The following PCBP4 variants were observed in gnomAD, a reference collection of about 807,000 sequenced individuals.
PCBP4 encodes poly(rC) binding protein 4.
Under a neutral mutation model 46.2 loss-of-function variants are expected in PCBP4, and 24 were observed. The ratio of observed to expected loss-of-function variants is 0.52; its 90% CI spans 0.38 to 0.73. PCBP4 has a LOEUF of 0.73. PCBP4 is among the 30% of genes least tolerant of loss of function. PCBP4 has a pLI of 0.00. For missense variants in PCBP4, 407 were observed against 537.0 expected, an observed-to-expected ratio of 0.76 and a Z score of 2.39; for synonymous variants, 203 against 224.4, an observed-to-expected ratio of 0.90 and a Z score of 0.85.
intron 1 of PCBP4, among the ~76,000 whole-genome samples, chr3:51,965,056 C>G (rs1169477561): frequency 1.3e-5 from 2 of 152,226 alleles, no homozygotes; most frequent in Admixed American, 1.3e-4. Flanking sequence ...AAGTCAAGCC[C>G]GGGCCCAGGC....
chr3:51,958,393 G>A lies in PCBP4; in HGVS notation c.924-44C>T. On this transcript the variant is annotated intron_variant, in intron 13 of 13. Coordinates refer to ENST00000461554, the MANE Select transcript of PCBP4 (RefSeq NM_001174100.2). The surrounding 1 kb of genome is among the most constrained non-coding windows in gnomAD (Gnocchi z 5.4). Reference sequence around the variant, plus strand: ...AGGGGAGACAAAGGGGAAAGTGGGAGTGAGAGAGGGGCAATGAGGGCAGAG... The same window carrying A: ...AGGGGAGACAAAGGGGAAAGTGGGAATGAGAGAGGGGCAATGAGGGCAGAG... The A allele has an allele frequency of 7.4e-7, 1 of 1,351,570 alleles. No homozygotes were observed. Among genetic ancestry groups the A allele is most frequent in the Non-Finnish European group, 9.8e-7 (1 of 1,019,306 alleles). The allele number at this position is 1,351,570 out of a possible 1,614,324, so 83.7% of individuals were successfully genotyped here.
At chr3:51,962,371 G>A (rs1441359588) in intron 1 of PCBP4, among the ~76,000 whole-genome samples, 2 of 143,926 alleles carry the variant, frequency 1.4e-5, no homozygotes, top group East Asian at 2.4e-4. Context: ...TTCATGCCCC[G>A]ACTTAATCCT....
At chr3:51,963,893 A>G (rs1700293327) in intron 1 of PCBP4, among the ~76,000 whole-genome samples, 1 of 152,214 alleles carries the variant, frequency 6.6e-6, no homozygotes, top group African/African-American at 2.4e-5. Context: ...GAGCAGCCCC[A>G]TGAGGCATCA....
intron 1 of PCBP4, among the ~76,000 whole-genome samples, chr3:51,966,536 G>A (rs141073926): frequency 1.4e-3 from 213 of 152,230 alleles, no homozygotes; most frequent in Non-Finnish European, 2.0e-3. Flanking sequence ...CCTTTGTGGC[G>A]GAAGGCAAGC....
Position 51,960,417 on chromosome 3 carries a change from C to A in PCBP4, c.256-97G>T. On this transcript the variant is annotated intron_variant, in intron 6 of 13. Coordinates refer to ENST00000461554, the MANE Select transcript of PCBP4 (RefSeq NM_001174100.2). The surrounding 1 kb of genome is among the most constrained non-coding windows in gnomAD (Gnocchi z 5.0). ...TTTCCCCAGTCCCACTTCAAGGGAA[C>A]ACTGCCCTGGGCTTGACCTCCCCTC... 6.4e-7 allele frequency: 1 copy of A among 1,571,964 alleles called. No homozygotes were observed. The highest frequency in any genetic ancestry group is 2.2e-5 in the East Asian group (1 of 44,572).
intron 1 of PCBP4, chr3:51,962,949 A>T (rs936961465): frequency 1.3e-5 from 2 of 152,278 alleles, no homozygotes; most frequent in African/African-American, 4.8e-5. Flanking sequence ...GGCCAGCCTC[A>T]TGCTGGCTGC....
Position 51,961,027 on chromosome 3 carries a change from C to T in PCBP4, c.88G>A (p.Gly30Ser). 1 of 1,614,228 alleles carries T rather than the reference C, an allele frequency of 6.2e-7. No individual in the cohort carries two copies. The highest frequency in any genetic ancestry group is 1.7e-5 in the Admixed American group (1 of 60,034). The change falls in exon 4 of 14, where the codon GGC (glycine) becomes AGC (serine). Residue 30 changes from glycine to serine, a missense_variant. Gly to Ser is a moderately conservative substitution (Grantham distance 56). Transcript: ENST00000461554. Reference sequence around the variant, plus strand: ...GCACCTACCTTCCCGATGATGCTGCCCACTTCCTGCGGACAAGACAAGAGC... The same window carrying T: ...GCACCTACCTTCCCGATGATGCTGCTCACTTCCTGCGGACAAGACAAGAGC... ...LRMLMHGKEV[G>S]SIIGKKGETV...
chr3:51,961,717 C>T, intron 2 of PCBP4: 2 of 990,872 alleles, frequency 2.0e-6, no homozygotes, highest in South Asian at 9.1e-5. Flanking sequence ...GTGGATGGGG[C>T]CCTGAAGGTG....
Position 51,958,963 on chromosome 3 carries a change from G to A in PCBP4, c.754-4C>T. 2 of 1,613,976 alleles carry A rather than the reference G, an allele frequency of 1.2e-6. No homozygotes were observed. Among genetic ancestry groups the A allele is most frequent in the Non-Finnish European group, 1.7e-6 (2 of 1,179,934 alleles). Reference sequence around the variant, plus strand: ...GCCCGATCACACAGCCAATCAACTAGAGGGAAGGCAGAATTCAGCCCTGGG... The same window carrying A: ...GCCCGATCACACAGCCAATCAACTAAAGGGAAGGCAGAATTCAGCCCTGGG... On this transcript the variant is annotated splice_polypyrimidine_tract_variant and splice_region_variant and intron_variant, in intron 12 of 13. Coordinates refer to ENST00000461554, the MANE Select transcript of PCBP4 (RefSeq NM_001174100.2). This position sits in a 1 kb window ranked among gnomAD's most constrained non-coding sequence, Gnocchi z 5.4.
chr3:51,958,116 A>T lies in PCBP4; in HGVS notation c.1157T>A (p.Met386Lys). 6.2e-7 allele frequency: 1 copy of T among 1,601,646 alleles called. No individual in the cohort carries two copies. Among genetic ancestry groups the T allele is most frequent in the South Asian group, 1.1e-5 (1 of 89,472 alleles). Reference protein sequence around the residue: ...PPGLAAYTAKMAAANGSKKAE... With the variant: ...PPGLAAYTAKKAAANGSKKAE... ...CTTCTTGCTCCCATTAGCTGCTGCC[A>T]TCTTGGCAGTGTAGGCCGCCAAGCC... is the stretch of plus-strand genomic sequence containing the variant. Residue 386 changes from methionine (M) to lysine (K), a missense_variant, in exon 14 of 14, where the codon ATG (methionine) becomes AAG (lysine). Transcript: ENST00000461554. This position sits in a 1 kb window ranked among gnomAD's most constrained non-coding sequence, Gnocchi z 5.4.
chr3:51,958,804 G>T lies in PCBP4; in HGVS notation c.909C>A (p.Tyr303Ter). 1 of 1,613,540 alleles carries T rather than the reference G, an allele frequency of 6.2e-7. No individual in the cohort carries two copies. Among genetic ancestry groups the T allele is most frequent in the Admixed American group, 1.7e-5 (1 of 59,998 alleles). The stretch of plus-strand genomic sequence containing the variant: ...CCCGCGCTCACCAGGCAGTGATGAG[G>T]TACTGGGCCAGGGCGATGGAGACCG... ...GSPVSIALAQYLITACLETAK... is the reference protein window; with the variant it reads ...GSPVSIALAQ Residue 303 changes from tyrosine to a stop codon, truncating the protein, a stop_gained, in exon 13 of 14, where the codon TAC becomes TAA. Coordinates refer to ENST00000461554, the MANE Select transcript of PCBP4 (RefSeq NM_001174100.2). LOFTEE classifies it high-confidence loss of function. The surrounding 1 kb of genome is among the most constrained non-coding windows in gnomAD (Gnocchi z 5.4).
chr3:51,965,177 C>A (rs1330629551), intron 1 of PCBP4, among the ~76,000 whole-genome samples: 3 of 152,216 alleles, frequency 2.0e-5, no homozygotes, highest in Non-Finnish European at 4.4e-5. Flanking sequence ...TGTATGCTTA[C>A]TCTGCTGCTC....
At position 51,958,791 on chromosome 3, in the gene PCBP4, A is replaced by G. The variant is rs901200959; in HGVS notation, c.922T>C (p.Cys308Arg). 7.4e-6 allele frequency: 12 copies of G among 1,611,506 alleles called. No homozygotes were observed. The highest frequency in any genetic ancestry group is 1.3e-5 in the African/African-American group (1 of 74,942). The stretch of plus-strand genomic sequence containing the variant: ...CACTGCCGCCCAGCCCGCGCTCACC[A>G]GGCAGTGATGAGGTACTGGGCCAGG... Reference protein sequence around the residue: ...IALAQYLITACLETAKSTSGG... With the variant: ...IALAQYLITARLETAKSTSGG... The change falls in exon 13 of 14, where the codon TGT becomes CGT. Residue 308 changes from cysteine (C) to arginine (R), a missense_variant and splice_region_variant. Physicochemically the swap from Cys to Arg is radical, Grantham distance 180. Coordinates refer to ENST00000461554, the MANE Select transcript of PCBP4 (RefSeq NM_001174100.2). This position sits in a 1 kb window ranked among gnomAD's most constrained non-coding sequence, Gnocchi z 5.4.
rs771306001 is a variant in PCBP4, at chr3:51,959,888, G to C, written c.516+7C>G. 1 of 1,578,350 alleles carries C rather than the reference G, an allele frequency of 6.3e-7. No homozygotes were observed. The highest frequency in any genetic ancestry group is 8.6e-7 in the Non-Finnish European group (1 of 1,161,024). On this transcript the variant is annotated splice_region_variant and intron_variant, in intron 8 of 13. Coordinates refer to ENST00000461554, the MANE Select transcript of PCBP4 (RefSeq NM_001174100.2). This position sits in a 1 kb window ranked among gnomAD's most constrained non-coding sequence, Gnocchi z 5.6. ...CTGCCCCCTCTCTCCCTGCCCCAGG[G>C]CAGCACCTCCAGGATAACAGCGCAG...
chr3:51,957,894 CTG>C lies in PCBP4; in HGVS notation c.*165_*166del, dbSNP rs1699896045. The C allele has an allele frequency of 3.3e-6, 2 of 608,136 alleles. No individual in the cohort carries two copies. The highest frequency in any genetic ancestry group is 3.2e-5 in the Admixed American group (1 of 31,620). 37.7% of individuals were successfully genotyped at this position (608,136 alleles called of 1,614,324 possible). A position where few individuals can be genotyped will look rare whatever the true frequency, so the allele number is the denominator to read the frequency against. ...CCCTGGGCCAGAAACTGCCCCCACTCTGAGAGAAAGAACTCCCATAGATGGAG... is the reference window on the plus strand; with the variant it reads ...CCCTGGGCCAGAAACTGCCCCCACTCAGAGAAAGAACTCCCATAGATGGAG... On this transcript the variant is annotated 3_prime_UTR_variant, in exon 14 of 14. Coordinates refer to ENST00000461554, the MANE Select transcript of PCBP4 (RefSeq NM_001174100.2).
rs1400597592 is a variant in PCBP4, at chr3:51,958,073, G to A, written c.1200C>T (p.Phe400=). ...ACCTCAGCTGGCCTCAGTAGGGGGA[G>A]AATTTCTGCCGCTCAGCCTTCTTGC... ...NGSKKAERQK[F]SPY is the part of the protein sequence containing the mutation. Residue 400 remains phenylalanine (F), a synonymous_variant, in exon 14 of 14, where the codon TTC becomes TTT. Coordinates refer to ENST00000461554, the MANE Select transcript of PCBP4 (RefSeq NM_001174100.2). This position sits in a 1 kb window ranked among gnomAD's most constrained non-coding sequence, Gnocchi z 5.4. 8 of 1,550,986 alleles carry A rather than the reference G, an allele frequency of 5.2e-6. No individual in the cohort carries two copies. In the South Asian group the frequency reaches 6.2e-5, roughly 12 times the overall value.
chr3:51,963,623 A>C (rs1032693833), intron 1 of PCBP4, among the ~76,000 whole-genome samples: 19 of 152,176 alleles, frequency 1.2e-4, no homozygotes, highest in African/African-American at 4.3e-4. Flanking sequence ...CATGGCCAGA[A>C]CTAGAGCTTC....
Position 51,959,725 on chromosome 3 carries a change from A to C in PCBP4, c.517-74T>G. On this transcript the variant is annotated intron_variant, in intron 8 of 13. Transcript: ENST00000461554. The surrounding 1 kb of genome is among the most constrained non-coding windows in gnomAD (Gnocchi z 5.6). ...ACCTCCCCAGCTGCCCAGTGGCCTCAGGCCCCCACCATGACCCCCAGGGAA... is the reference window on the plus strand; with the variant it reads ...ACCTCCCCAGCTGCCCAGTGGCCTCCGGCCCCCACCATGACCCCCAGGGAA... 1 of 1,478,082 alleles carries C rather than the reference A, an allele frequency of 6.8e-7. No homozygotes were observed. The highest frequency in any genetic ancestry group is 1.4e-5 in the African/African-American group (1 of 71,364). 91.6% of individuals were successfully genotyped at this position (1,478,082 alleles called of 1,614,324 possible).
At position 51,959,446 on chromosome 3, in the gene PCBP4, G is replaced by A; in HGVS notation, c.592-35C>T. Reference sequence around the variant, plus strand: ...CAAAGTGGATGAAAAGGGGGTTACTGTGACATTGCAGTTCAGCCAGAGTCA... The same window carrying A: ...CAAAGTGGATGAAAAGGGGGTTACTATGACATTGCAGTTCAGCCAGAGTCA... On this transcript the variant is annotated intron_variant, in intron 9 of 13. Coordinates refer to ENST00000461554, the MANE Select transcript of PCBP4 (RefSeq NM_001174100.2). The surrounding 1 kb of genome is among the most constrained non-coding windows in gnomAD (Gnocchi z 5.6). 1 of 1,583,222 alleles carries A rather than the reference G, an allele frequency of 6.3e-7. No homozygotes were observed. The highest frequency in any genetic ancestry group is 8.6e-7 in the Non-Finnish European group (1 of 1,163,112).
Sources: allele counts gnomAD v4.1 joint callset (sites outside exome capture counted in the v4.1 genomes callset), GRCh38; gene constraint gnomAD v4.1.1; non-coding constraint Gnocchi (gnomAD v3.1); transcripts MANE v1.5; gene names NCBI Gene and HGNC (gene_info 2026-07-23, HGNC 2026-07-21).